Variants in MMD2 observed in about 807,000 individuals in gnomAD.
MMD2 encodes monocyte to macrophage differentiation associated 2.
MMD2 carries 30 observed loss-of-function variants against 33.5 expected under a neutral mutation model. The observed-to-expected ratio is 0.90, with a 90% CI of 0.67 to 1.22. The LOEUF is 1.22. Among genes scored for constraint, MMD2 ranks in the 50% most tolerant of loss-of-function variants. The pLI is 0.00. For missense variants in MMD2, 364 were observed against 325.4 expected, an observed-to-expected ratio of 1.12 and a Z score of -0.91; for synonymous variants, 129 against 123.0, an observed-to-expected ratio of 1.05 and a Z score of -0.32.
chr7:4,915,200 G>A (rs1785109314), intron 4 of MMD2, among the ~76,000 whole-genome samples: 1 of 151,940 alleles, frequency 6.6e-6, no homozygotes, highest in Non-Finnish European at 1.5e-5. Flanking sequence ...GAGCCCAGGA[G>A]TTGGAGGCTG....
In MMD2 at chr7:4,952,585, C is replaced by T. The variant is rs1201185513; in HGVS notation, c.47+6386G>A. On this transcript the variant is annotated intron_variant, in intron 1 of 6. Coordinates refer to ENST00000401401, the MANE Select transcript of MMD2 (RefSeq NM_198403.4). ...CTGCACGCATTTCCTCACAGTTAGT[C>T]CTACCAAGAAGGCATCCTTTTTTTG... is the stretch of plus-strand genomic sequence containing the variant. Among the ~76,000 whole-genome samples the T allele has an allele frequency of 2.6e-5, 4 of 152,204 alleles. No individual in the cohort carries two copies. In the East Asian group the frequency reaches 7.7e-4, roughly 29 times the overall value.
intron 4 of MMD2, among the ~76,000 whole-genome samples, chr7:4,913,822 C>T (rs112239126): frequency 0.036 from 5,463 of 151,458 alleles, 330 homozygotes; most frequent in African/African-American, 0.13. Context: ...CCACCACGCC[C>T]GACTAATTTT....
chr7:4,918,062 C>T (rs960259208), intron 3 of MMD2, among the ~76,000 whole-genome samples: 4 of 152,212 alleles, frequency 2.6e-5, no homozygotes, highest in African/African-American at 4.8e-5. Context: ...CACTAGCTCA[C>T]CAGCCAAGTG....
chr7:4,952,957 G>A (rs1214858260), intron 1 of MMD2, among the ~76,000 whole-genome samples: 14 of 152,070 alleles, frequency 9.2e-5, no homozygotes, highest in Middle Eastern at 3.4e-3. Context: ...GATTAAAGGC[G>A]TGAGCCACCA....
At chr7:4,924,371 G>A (rs2089967) in intron 2 of MMD2, among the ~76,000 whole-genome samples, 75,105 of 152,060 alleles carry the variant, frequency 0.49, 18,777 homozygotes, top group East Asian at 0.67. Context: ...AGGTCAGGGC[G>A]GGGGGTTTGA....
Position 4,946,074 on chromosome 7 carries a change from C to A in MMD2, c.47+12897G>T, listed in dbSNP as rs1270155949. Among the ~76,000 whole-genome samples, 1 of 151,822 alleles carries A rather than the reference C, an allele frequency of 6.6e-6. No individual in the cohort carries two copies. The highest frequency in any genetic ancestry group is 2.4e-5 in the African/African-American group (1 of 41,278). ...CTGGGGCAAAATGCACACACTCACA[C>A]GCACGCACACGCACGCACACACACG... On this transcript the variant is annotated intron_variant, in intron 1 of 6. Coordinates refer to ENST00000401401, the MANE Select transcript of MMD2 (RefSeq NM_198403.4). This position sits in a 1 kb window ranked among gnomAD's most constrained non-coding sequence, Gnocchi z 5.0.
rs571570070 is a variant in MMD2 at position 4,940,856 on chromosome 7, G to A, written c.48-15324C>T. On this transcript the variant is annotated intron_variant, in intron 1 of 6. Transcript: ENST00000401401. The surrounding 1 kb of genome is among the most constrained non-coding windows in gnomAD (Gnocchi z 5.0). ...ACTGTGCGTGGCATCCCATGTGAACGGCCCCCTGGGCCTGGGGGTACTGAC... is the reference window on the plus strand; with the variant it reads ...ACTGTGCGTGGCATCCCATGTGAACAGCCCCCTGGGCCTGGGGGTACTGAC... 6.6e-6 allele frequency among the ~76,000 whole-genome samples: 1 copy of A among 152,118 alleles called. No individual in the cohort carries two copies. The highest frequency in any genetic ancestry group is 1.5e-5 in the Non-Finnish European group (1 of 68,024).
At chr7:4,925,579 G>A (rs1357291412) in intron 1 of MMD2, 47 bp from the exon 2 acceptor site, 2 of 1,446,438 alleles carry the variant, frequency 1.4e-6, no homozygotes, top group Non-Finnish European at 1.9e-6. Flanking sequence ...GGCAAGAGGT[G>A]CCATCCGAAT....
chr7:4,920,008 C>T (rs1460357693), intron 3 of MMD2, among the ~76,000 whole-genome samples, 163 bp downstream of exon 3: 1 of 152,214 alleles, frequency 6.6e-6, no homozygotes, highest in African/African-American at 2.4e-5. Context: ...GCTTGTGCCT[C>T]CTGCAAAGCC....
At position 4,906,196 on chromosome 7, in the gene MMD2, C is replaced by T. The variant is rs1404192775; in HGVS notation, c.*1200G>A. ...GAGAATCTGAGATTCCAATTCAGAT[C>T]CTGGAGCTGGGCCTGCTACTCACCT... On this transcript the variant is annotated 3_prime_UTR_variant, in exon 7 of 7. Transcript: ENST00000401401. 6 of 314,414 alleles carry T rather than the reference C, an allele frequency of 1.9e-5. No individual in the cohort carries two copies. Among genetic ancestry groups the T allele is most frequent in the African/African-American group, 1.3e-4 (6 of 46,864 alleles). 19.5% of individuals were successfully genotyped at this position (314,414 alleles called of 1,614,324 possible).
At chr7:4,910,013 G>A in intron 5 of MMD2, 63 bp from the exon 6 acceptor site, 2 of 1,613,928 alleles carry the variant, frequency 1.2e-6, no homozygotes, top group South Asian at 1.1e-5. Flanking sequence ...ACTGCACACA[G>A]CTCCCTGTTC....
chr7:4,924,490 C>T (rs143468434), intron 2 of MMD2, among the ~76,000 whole-genome samples: 34 of 152,356 alleles, frequency 2.2e-4, no homozygotes, highest in African/African-American at 7.7e-4. Flanking sequence ...GAACTCATGT[C>T]TGCATTGCCA....
rs369668303 is a variant in MMD2 at position 4,907,392 on chromosome 7, C to G, written c.*4G>C. ...CCCAAACGACCTCTCAAGTCTGGGTCACCTCATTTGGACACCTTGGTCTGC... is the reference window on the plus strand; with the variant it reads ...CCCAAACGACCTCTCAAGTCTGGGTGACCTCATTTGGACACCTTGGTCTGC... On this transcript the variant is annotated 3_prime_UTR_variant, in exon 7 of 7. Transcript: ENST00000401401. 1.2e-6 allele frequency: 2 copies of G among 1,613,448 alleles called. No individual in the cohort carries two copies. The highest frequency in any genetic ancestry group is 2.7e-5 in the African/African-American group (2 of 74,930).
At chr7:4,937,906 C>A (rs1785786473) in intron 1 of MMD2, among the ~76,000 whole-genome samples, 1 of 151,880 alleles carries the variant, frequency 6.6e-6, no homozygotes, top group Non-Finnish European at 1.5e-5. Flanking sequence ...CCTTTGGCCT[C>A]CCAAAGCACT....
intron 1 of MMD2, among the ~76,000 whole-genome samples, chr7:4,935,647 C>T (rs1785718601): frequency 7.1e-6 from 1 of 141,230 alleles, no homozygotes; most frequent in Non-Finnish European, 1.5e-5. Flanking sequence ...CACTGCACTC[C>T]AGCCTGAATA....
the MMD2 span, among the ~76,000 whole-genome samples, chr7:4,898,426 A>G: frequency 1.6e-4 from 24 of 152,324 alleles, no homozygotes; most frequent in African/African-American, 5.8e-4. Context: ...AGACGCACTC[A>G]TGGGTCATAA....
intron 1 of MMD2, among the ~76,000 whole-genome samples, chr7:4,957,849 C>T (rs894042868): frequency 2.6e-5 from 4 of 152,108 alleles, no homozygotes; most frequent in Admixed American, 1.3e-4. Flanking sequence ...CCGTCCTGTC[C>T]GCCAGCCTTC....
At chr7:4,947,616 A>G (rs1786125095) in intron 1 of MMD2, among the ~76,000 whole-genome samples, 2 of 149,974 alleles carry the variant, frequency 1.3e-5, no homozygotes, top group South Asian at 2.1e-4. Flanking sequence ...GATGGTCTCA[A>G]TCTCCTGACC....
rs1044974454 is a variant in MMD2, at chr7:4,923,632, T to C, written c.129+1819A>G. Among the ~76,000 whole-genome samples the C allele has an allele frequency of 2.0e-5, 3 of 152,116 alleles. No individual in the cohort carries two copies. The South Asian group carries it at 6.2e-4, about 32-fold the overall frequency. On this transcript the variant is annotated intron_variant, in intron 2 of 6. Transcript: ENST00000401401. The stretch of plus-strand genomic sequence containing the variant: ...CTAGAGCTTTATTTTTGGGGTGCAG[T>C]GTAGACTTGTGTCGATGAGTTAGCT...
Sources: allele counts gnomAD v4.1 joint callset (sites outside exome capture counted in the v4.1 genomes callset), GRCh38; gene constraint gnomAD v4.1.1; non-coding constraint Gnocchi (gnomAD v3.1); transcripts MANE v1.5; gene names NCBI Gene and HGNC (gene_info 2026-07-23, HGNC 2026-07-21).